DLGAP1: variants seen among roughly 807,000 people sequenced by gnomAD.
DLGAP1 encodes disks large-associated protein 1.
Under a neutral mutation model 90.8 loss-of-function variants are expected in DLGAP1, and 11 were observed. The observed-to-expected ratio is 0.12, with a 90% CI of 0.08 to 0.20. The LOEUF (loss-of-function observed/expected upper bound fraction) is 0.20, where lower values mean the gene tolerates loss of function less well. Ranked by LOEUF, DLGAP1 falls within the 10% of genes least tolerant of loss-of-function variation. The pLI is 1.00. For synonymous variants in DLGAP1, 558 were observed against 540.7 expected (o/e 1.03, Z -0.44); for missense variants, 1,050 against 1,333.8 (o/e 0.79, Z 3.31).
intron 10 of DLGAP1, among the ~76,000 whole-genome samples, chr18:3,518,456 A>G (rs1191849072): frequency 2.6e-5 from 4 of 152,118 alleles, no homozygotes; most frequent in Admixed American, 1.3e-4. Context: ...GAAAATGAGC[A>G]TATGCTTTTG....
intron 7 of DLGAP1, among the ~76,000 whole-genome samples, chr18:3,588,586 C>T (rs949825285): frequency 6.6e-6 from 1 of 151,906 alleles, no homozygotes; most frequent in Non-Finnish European, 1.5e-5. Flanking sequence ...TCAAGACCAT[C>T]CTGGCCAACA....
chr18:3,543,401 G>A (rs952561472), intron 9 of DLGAP1, among the ~76,000 whole-genome samples: 14 of 151,980 alleles, frequency 9.2e-5, no homozygotes, highest in African/African-American at 2.7e-4. Flanking sequence ...TCCTGACCTC[G>A]TGATCCACCC....
intron 2 of DLGAP1, among the ~76,000 whole-genome samples, chr18:4,071,498 G>T (rs969104250): frequency 2.0e-5 from 3 of 152,082 alleles, no homozygotes; most frequent in African/African-American, 4.8e-5. Context: ...CCAAATCTCC[G>T]ACTTCCCAGG....
At chr18:4,021,720 T>G (rs1038276991) in intron 2 of DLGAP1, among the ~76,000 whole-genome samples, 30 of 152,254 alleles carry the variant, frequency 2.0e-4, no homozygotes, top group African/African-American at 6.0e-4. Flanking sequence ...GTCTTCAGCC[T>G]CCCAAGTAGC....
intron 1 of DLGAP1, among the ~76,000 whole-genome samples, chr18:4,439,302 C>A (rs534313116): frequency 1.3e-5 from 2 of 152,340 alleles, no homozygotes; most frequent in East Asian, 3.9e-4. Flanking sequence ...CAAACCAAAC[C>A]TTTAAATCCA....
chr18:3,680,584 A>G (rs1598327575), intron 7 of DLGAP1, among the ~76,000 whole-genome samples: 1 of 152,236 alleles, frequency 6.6e-6, no homozygotes, highest in South Asian at 2.1e-4. Flanking sequence ...TCAGGAGATC[A>G]AGACCATCCT....
At chr18:3,881,505 T>G (rs2071168302) in intron 3 of DLGAP1, among the ~76,000 whole-genome samples, 1 of 152,182 alleles carries the variant, frequency 6.6e-6, no homozygotes, top group African/African-American at 2.4e-5. Context: ...TCTTCCGGCT[T>G]ATGTTCCTTG....
intron 2 of DLGAP1, among the ~76,000 whole-genome samples, chr18:4,109,450 C>T (rs573199096): frequency 6.6e-6 from 1 of 152,288 alleles, no homozygotes; most frequent in Admixed American, 6.5e-5. Flanking sequence ...CACAGGGTGA[C>T]TGGAATTAAA....
chr18:4,256,607 TCATA>T (rs983266038), intron 1 of DLGAP1, among the ~76,000 whole-genome samples: 1 of 152,134 alleles, frequency 6.6e-6, no homozygotes, highest in Non-Finnish European at 1.5e-5. Context: ...CTGGGGAAAA[TCATA>T]CATACGTGCT....
At chr18:3,977,654 A>AG (rs2073623189) in intron 3 of DLGAP1, 1 of 247,372 alleles carries the variant, frequency 4.0e-6, no homozygotes, top group Non-Finnish European at 8.0e-6. Context: ...CTGCCTTTGG[A>AG]GGCCATGTGG....
At chr18:4,123,489 G>T (rs73943848) in intron 2 of DLGAP1, among the ~76,000 whole-genome samples, 1 of 152,282 alleles carries the variant, frequency 6.6e-6, no homozygotes, top group African/African-American at 2.4e-5. Context: ...CGGACTGTGG[G>T]ACAGAAACAA....
intron 1 of DLGAP1, among the ~76,000 whole-genome samples, chr18:4,349,071 A>G (rs1335624004): frequency 6.6e-6 from 1 of 152,164 alleles, no homozygotes; most frequent in Admixed American, 6.5e-5. Context: ...CTACAAGGGA[A>G]AAATATAAAT....
chr18:3,704,093 C>A (rs1365229525), intron 7 of DLGAP1, among the ~76,000 whole-genome samples: 1 of 152,224 alleles, frequency 6.6e-6, no homozygotes, highest in Non-Finnish European at 1.5e-5. Flanking sequence ...AAGGACACAG[C>A]AGCTGAGTCA....
rs1757846764 is a variant in DLGAP1, at chr18:3,565,269, C to T, written c.2057+2221G>A. 1.3e-5 allele frequency among the ~76,000 whole-genome samples: 2 copies of T among 152,048 alleles called. No homozygotes were observed. The highest frequency in any genetic ancestry group is 4.8e-5 in the African/African-American group (2 of 41,422). On this transcript the variant is annotated intron_variant, in intron 9 of 12. Transcript: ENST00000315677. This position sits in a 1 kb window ranked among gnomAD's most constrained non-coding sequence, Gnocchi z 4.0. Reference sequence around the variant, plus strand: ...GTTAAAGGGATTGTCCTGCCTCAGCCTCCCGAGTTCCTGGGATTACAGGAA... The same window carrying T: ...GTTAAAGGGATTGTCCTGCCTCAGCTTCCCGAGTTCCTGGGATTACAGGAA...
Position 4,333,849 on chromosome 18 carries a change from C to G in DLGAP1, c.-267+121157G>C, listed in dbSNP as rs377332332. Among the ~76,000 whole-genome samples, 101 of 151,458 alleles carry G rather than the reference C, an allele frequency of 6.7e-4. 1 individual carries two copies. In the South Asian group the frequency reaches 8.3e-3, roughly 12 times the overall value. On this transcript the variant is annotated intron_variant, in intron 1 of 12. Transcript: ENST00000315677. Reference sequence around the variant, plus strand: ...TCTCCTAACCTCGTGATCCGCCCGCCTTGGCCTCCCAAAGTGCCGGGACCA... The same window carrying G: ...TCTCCTAACCTCGTGATCCGCCCGCGTTGGCCTCCCAAAGTGCCGGGACCA...
intron 2 of DLGAP1, among the ~76,000 whole-genome samples, chr18:4,097,016 C>T (rs1349448154): frequency 6.6e-6 from 1 of 152,188 alleles, no homozygotes; most frequent in African/African-American, 2.4e-5. Context: ...TTACAGGGGT[C>T]TCCTCTCTCT....
chr18:3,676,931 T>A (rs1487682161), intron 7 of DLGAP1, among the ~76,000 whole-genome samples: 6 of 152,172 alleles, frequency 3.9e-5, no homozygotes, highest in Non-Finnish European at 1.5e-5. Flanking sequence ...ACTTTTTCTT[T>A]CCCCTTGCCC....
intron 10 of DLGAP1, among the ~76,000 whole-genome samples, chr18:3,515,888 T>G (rs923648909): frequency 6.6e-6 from 1 of 152,134 alleles, no homozygotes; most frequent in Admixed American, 6.6e-5. Flanking sequence ...TTCAACAGTG[T>G]TCGCAGCATC....
At chr18:4,031,786 G>A (rs1470828210) in intron 2 of DLGAP1, among the ~76,000 whole-genome samples, 4 of 152,180 alleles carry the variant, frequency 2.6e-5, no homozygotes, top group African/African-American at 4.8e-5. Context: ...ACATTTTCAA[G>A]TAAGGAAATG....
Sources: gnomAD v4.1 joint callset for allele counts (sites outside exome capture counted in the v4.1 genomes callset) on GRCh38, gnomAD v4.1.1 for gene constraint, Gnocchi (gnomAD v3.1) non-coding constraint, MANE v1.5 for transcripts, NCBI Gene and HGNC (gene_info 2026-07-23, HGNC 2026-07-21) for gene names.